PFKM: variants seen among roughly 807,000 people sequenced by gnomAD.
PFKM encodes ATP-dependent 6-phosphofructokinase, muscle type.
PFKM carries 58 observed loss-of-function variants against 95.5 expected under a neutral mutation model. The observed-to-expected ratio is 0.61, with a 90% CI of 0.49 to 0.76. The LOEUF is 0.76. Ranked by LOEUF, PFKM falls within the 30% of genes least tolerant of loss-of-function variation. The probability of loss-of-function intolerance (pLI) is 0.00; values close to 1 mark genes in which losing one functional copy is unlikely to be tolerated. For missense variants in PFKM, 678 were observed against 1,005.4 expected (o/e 0.67, Z 4.40); for synonymous variants, 336 against 357.2 (o/e 0.94, Z 0.67).
At position 48,145,209 on chromosome 12, in the gene PFKM, G is replaced by A; in HGVS notation, c.2093-1G>A. ...AGCTGACTGCCCATCCCTCATTGCA[G>A]GGCGGATCTTTGCCAATACTCCAGA... On this transcript the variant is annotated splice_acceptor_variant, in intron 21 of 22. Coordinates refer to ENST00000359794, the MANE Select transcript of PFKM (RefSeq NM_000289.6). LOFTEE classifies it high-confidence loss of function. The surrounding 1 kb of genome is among the most constrained non-coding windows in gnomAD (Gnocchi z 4.3). The A allele has an allele frequency of 6.2e-7, 1 of 1,614,078 alleles. No homozygotes were observed. Among genetic ancestry groups the A allele is most frequent in the Non-Finnish European group, 8.5e-7 (1 of 1,179,946 alleles).
At chr12:48,130,520 C>A in intron 3 of PFKM, 84 bp downstream of exon 3, 3 of 1,000,008 alleles carry the variant, frequency 3.0e-6, no homozygotes, top group African/African-American at 1.6e-5. Flanking sequence ...ATTCTGTGTC[C>A]TTACCTCCCA....
chr12:48,122,729 C>T (rs777305426), intron 1 of PFKM, 38 bp from the exon 2 acceptor site: 1 of 1,613,394 alleles, frequency 6.2e-7, no homozygotes, highest in Non-Finnish European at 8.5e-7. Context: ...CATCTTGATT[C>T]CTGCTGTGTC....
intron 1 of PFKM, among the ~76,000 whole-genome samples, chr12:48,121,360 A>G (rs138952416): frequency 2.0e-5 from 3 of 152,362 alleles, no homozygotes; most frequent in African/African-American, 7.2e-5. Context: ...GCTAAATTGT[A>G]GAAGCTTCGA....
chr12:48,125,416 G>T (rs1426932798), intron 2 of PFKM: 1 of 423,388 alleles, frequency 2.4e-6, no homozygotes, highest in East Asian at 8.1e-5. Context: ...GAGGTTGGGA[G>T]TTCGAGACCA....
intron 14 of PFKM, 25 bp from the exon 15 acceptor site, chr12:48,141,286 A>G: frequency 6.2e-7 from 1 of 1,609,560 alleles, no homozygotes; most frequent in Non-Finnish European, 8.5e-7. Flanking sequence ...AGCCTTGTGC[A>G]GAGCTCTGTG....
At chr12:48,108,080 G>A in exon 3 of PFKM, 3 of 1,599,410 alleles carry the variant, frequency 1.9e-6, no homozygotes, top group Non-Finnish European at 2.5e-6. Context: ...AGCTGGGGAA[G>A]CTTCTACTTC....
At chr12:48,133,112 TAC>T (rs1949688844) in intron 5 of PFKM, 55 bp downstream of exon 5, 114 of 1,501,988 alleles carry the variant, frequency 7.6e-5, no homozygotes, top group Non-Finnish European at 9.3e-5. Flanking sequence ...TGCACGCGTG[TAC>T]ACACACACAT....
intron 1 of PFKM, chr12:48,106,219 G>GC: frequency 1.5e-6 from 1 of 658,200 alleles, no homozygotes; most frequent in Non-Finnish European, 2.8e-6. Context: ...GTGTGGCGAG[G>GC]CCCGAGAAGC....
intron 4 of PFKM, chr12:48,131,932 G>T: frequency 4.5e-6 from 2 of 444,416 alleles, no homozygotes; most frequent in South Asian, 3.2e-5. Flanking sequence ...ATCCACTGTG[G>T]GCTAGCCCAC....
chr12:48,108,757 T>C (rs1946928697), intron 3 of PFKM, among the ~76,000 whole-genome samples: 1 of 152,214 alleles, frequency 6.6e-6, no homozygotes, highest in Admixed American at 6.5e-5. Flanking sequence ...TTGGAGTCAA[T>C]TCACTGGAAA....
chr12:48,112,451 T>C (rs753438085), intron 3 of PFKM, among the ~76,000 whole-genome samples: 2 of 152,122 alleles, frequency 1.3e-5, no homozygotes, highest in Non-Finnish European at 2.9e-5. Context: ...AGGAAGAAAT[T>C]TGGGCCTGAC....
rs138563060 is a variant in PFKM at position 48,142,924 on chromosome 12, C to T, written c.1796C>T (p.Pro599Leu). The T allele has an allele frequency of 5.0e-6, 8 of 1,613,880 alleles. No homozygotes were observed. The highest frequency in any genetic ancestry group is 6.8e-6 in the Non-Finnish European group (8 of 1,180,026). Residue 599 changes from proline (P) to leucine (L), a missense_variant, in exon 18 of 23, where the codon CCC becomes CTC. By Grantham distance (98) the Pro-to-Leu change is moderately conservative (BLOSUM62 -3). Transcript: ENST00000359794. ...GATGCTGCCTACATTTTTGAGGAGC[C>T]CTTCACCATTCGAGACCTGCAGGTA... Reference protein sequence around the residue: ...GADAAYIFEEPFTIRDLQANV... With the variant: ...GADAAYIFEELFTIRDLQANV...
At chr12:48,108,319 T>G in intron 3 of PFKM, 1 of 760,406 alleles carries the variant, frequency 1.3e-6, no homozygotes, top group Non-Finnish European at 2.0e-6. Context: ...AGGGGGAAAG[T>G]CTGTGTGTGT....
At position 48,145,833 on chromosome 12, in the gene PFKM, C is replaced by A; in HGVS notation, c.*125C>A. 1 of 1,085,304 alleles carries A rather than the reference C, an allele frequency of 9.2e-7. No homozygotes were observed. The highest frequency in any genetic ancestry group is 1.4e-6 in the Non-Finnish European group (1 of 725,758). 67.2% of individuals were successfully genotyped at this position (1,085,304 alleles called of 1,614,324 possible). ...TTTCCTTTTATTCTGTACCTTGCAGCCATGACCAGTTCTGGCCAGGAGCTG... is the reference window on the plus strand; with the variant it reads ...TTTCCTTTTATTCTGTACCTTGCAGACATGACCAGTTCTGGCCAGGAGCTG... On this transcript the variant is annotated 3_prime_UTR_variant, in exon 23 of 23. Transcript: ENST00000359794. The surrounding 1 kb of genome is among the most constrained non-coding windows in gnomAD (Gnocchi z 4.3).
chr12:48,124,763 C>G (rs1156477544), intron 2 of PFKM, among the ~76,000 whole-genome samples: 1 of 152,116 alleles, frequency 6.6e-6, no homozygotes, highest in African/African-American at 2.4e-5. Flanking sequence ...CCACATGTCA[C>G]TAGGGATTGA....
chr12:48,110,833 G>A (rs1947118437), intron 3 of PFKM, among the ~76,000 whole-genome samples: 1 of 152,194 alleles, frequency 6.6e-6, no homozygotes, highest in Non-Finnish European at 1.5e-5. Context: ...GGCAGGCTGT[G>A]TGTGTGTGTG....
At position 48,131,334 on chromosome 12, in the gene PFKM, G is replaced by A; in HGVS notation, c.178G>A (p.Asp60Asn). ...FVHEGYQGLV[D>N]GGDHIKEATW... ...CACACAGGGTTATCAAGGCCTGGTG[G>A]ATGGTGGAGATCACATCAAGGAAGC... Residue 60 changes from aspartate to asparagine, a missense_variant, in exon 4 of 23, where the codon GAT (aspartate) becomes AAT (asparagine). Transcript: ENST00000359794. The A allele has an allele frequency of 6.2e-7, 1 of 1,613,014 alleles. No homozygotes were observed. Among genetic ancestry groups the A allele is most frequent in the Non-Finnish European group, 8.5e-7 (1 of 1,178,988 alleles).
intron 11 of PFKM, 55 bp from the exon 12 acceptor site, chr12:48,139,230 A>G: frequency 2.9e-6 from 4 of 1,375,910 alleles, no homozygotes; most frequent in Non-Finnish European, 4.1e-6. Context: ...ATGGAGTTCC[A>G]GCTGTGCAGA....
rs768553877 is a variant in PFKM at position 48,132,919 on chromosome 12, G to A, written c.289G>A (p.Gly97Arg). Reference protein sequence around the residue: ...ARCKDFREREGRLRAAYNLVK... With the variant: ...ARCKDFRERERRLRAAYNLVK... The stretch of plus-strand genomic sequence containing the variant: ...GTGCAAGGACTTTCGGGAACGAGAA[G>A]GACGACTCCGAGCTGCCTACAACCT... The change falls in exon 5 of 23, where the codon GGA becomes AGA. Residue 97 changes from glycine (G) to arginine (R), a missense_variant. Gly to Arg is a moderately radical substitution (Grantham distance 125, BLOSUM62 -2). Coordinates refer to ENST00000359794, the MANE Select transcript of PFKM (RefSeq NM_000289.6). 21 of 1,614,190 alleles carry A rather than the reference G, an allele frequency of 1.3e-5. No homozygotes were observed. Among genetic ancestry groups the A allele is most frequent in the South Asian group, 7.7e-5 (7 of 91,078 alleles).
Sources: allele counts gnomAD v4.1 joint callset (sites outside exome capture counted in the v4.1 genomes callset), GRCh38; gene constraint gnomAD v4.1.1; non-coding constraint Gnocchi (gnomAD v3.1); transcripts MANE v1.5; gene names NCBI Gene and HGNC (gene_info 2026-07-23, HGNC 2026-07-21).